Variants in IGSF21 observed in about 807,000 individuals in gnomAD.
The protein encoded by IGSF21 is immunoglobulin superfamily member 21.
In IGSF21, 28 loss-of-function variants were observed where a neutral mutation model predicts 46.8. That is an observed-to-expected ratio of 0.60 (90% CI 0.44 to 0.82). The LOEUF (loss-of-function observed/expected upper bound fraction) is 0.82, where lower values mean the gene tolerates loss of function less well. Among genes scored for constraint, IGSF21 ranks in the 40% least tolerant of loss-of-function variants. IGSF21 has a pLI of 0.00. For synonymous variants in IGSF21, 284 were observed against 273.6 expected (o/e 1.04, Z -0.38); for missense variants, 624 against 665.5 (o/e 0.94, Z 0.69).
intron 3 of IGSF21, among the ~76,000 whole-genome samples, chr1:18,312,796 G>C (rs1214104437): frequency 1.3e-5 from 2 of 152,202 alleles, no homozygotes; most frequent in Non-Finnish European, 2.9e-5. Flanking sequence ...ACATTGACAG[G>C]TTCCAGGGAT....
intron 3 of IGSF21, among the ~76,000 whole-genome samples, chr1:18,312,608 C>T (rs1185099041): frequency 2.6e-5 from 4 of 152,186 alleles, no homozygotes; most frequent in Non-Finnish European, 4.4e-5. Flanking sequence ...CCTCTTTCAG[C>T]AATGGCATCG....
intron 2 of IGSF21, among the ~76,000 whole-genome samples, chr1:18,236,872 T>G (rs1435789700): frequency 6.6e-6 from 1 of 152,186 alleles, no homozygotes; most frequent in Non-Finnish European, 1.5e-5. Flanking sequence ...TGGAGCCCAC[T>G]GGGGACCTGG....
intron 1 of IGSF21, among the ~76,000 whole-genome samples, chr1:18,160,264 C>T (rs1557563251): frequency 6.6e-6 from 1 of 152,166 alleles, no homozygotes; most frequent in East Asian, 1.9e-4. Context: ...GGGACTTAAC[C>T]AGCTTTGGGG....
chr1:18,287,186 A>AT (rs869208379), intron 2 of IGSF21, among the ~76,000 whole-genome samples: 3,028 of 13,286 alleles, frequency 0.23, 226 homozygotes, highest in African/African-American at 0.27. Context: ...GTCTCAAAAA[A>AT]AAAAAATAAA....
chr1:18,273,345 C>A lies in IGSF21; in HGVS notation c.184-18521C>A, dbSNP rs1299213753. Among the ~76,000 whole-genome samples, 44 of 64,244 alleles carry A rather than the reference C, an allele frequency of 6.8e-4. 4 individuals carry two copies. The highest frequency in any genetic ancestry group is 2.9e-3 in the African/African-American group (42 of 14,298). 42.1% of individuals were successfully genotyped at this position (64,244 alleles called of 152,430 possible). A position where few individuals can be genotyped will look rare whatever the true frequency, so the allele number is the denominator to read the frequency against. ...CATGAGCCACCATTCCTTTCCTTTC[C>A]TTTCCTTTCCTTTCCTTTCCTTTCC... is the stretch of plus-strand genomic sequence containing the variant. On this transcript the variant is annotated intron_variant, in intron 2 of 9. Transcript: ENST00000251296.
At chr1:18,240,692 A>G (rs949195652) in intron 2 of IGSF21, among the ~76,000 whole-genome samples, 1 of 152,152 alleles carries the variant, frequency 6.6e-6, no homozygotes. Flanking sequence ...GAGGTTAATA[A>G]CTTTCCCACA....
At chr1:18,282,484 G>C (rs1026468973) in intron 2 of IGSF21, among the ~76,000 whole-genome samples, 10 of 152,078 alleles carry the variant, frequency 6.6e-5, no homozygotes, top group Non-Finnish European at 1.3e-4. Flanking sequence ...AGGTCTCAGA[G>C]CTCCCATGCA....
At chr1:18,160,618 G>A (rs542764038) in intron 1 of IGSF21, among the ~76,000 whole-genome samples, 1 of 152,254 alleles carries the variant, frequency 6.6e-6, no homozygotes, top group Admixed American at 6.5e-5. Flanking sequence ...CAGGGTCTGG[G>A]GAAGGACCGG....
chr1:18,308,875 A>G (rs956536481), intron 3 of IGSF21, among the ~76,000 whole-genome samples: 21 of 152,286 alleles, frequency 1.4e-4, no homozygotes, highest in South Asian at 6.2e-4. Flanking sequence ...CAAGGCGGGC[A>G]TCAGGCTAGA....
intron 3 of IGSF21, among the ~76,000 whole-genome samples, chr1:18,298,969 T>TA (rs2085336683): frequency 6.6e-6 from 1 of 152,102 alleles, no homozygotes; most frequent in Non-Finnish European, 1.5e-5. Context: ...AAAGGGGAGA[T>TA]AAAACACGAG....
At chr1:18,127,339 T>C (rs193182583) in intron 1 of IGSF21, among the ~76,000 whole-genome samples, 139 of 152,190 alleles carry the variant, frequency 9.1e-4, no homozygotes, top group African/African-American at 2.9e-3. Flanking sequence ...CAGAGCAGCT[T>C]CTCTAGATTG....
intron 8 of IGSF21, 24 bp from the exon 9 acceptor site, chr1:18,377,369 T>C (rs1321807707): frequency 1.2e-6 from 2 of 1,610,366 alleles, no homozygotes; most frequent in Non-Finnish European, 8.5e-7. Context: ...ACCCTTTGGT[T>C]CTCTTTCTGT....
chr1:18,337,096 A>T lies in IGSF21; in HGVS notation c.424+2086A>T, dbSNP rs1178735542. 6.6e-6 allele frequency among the ~76,000 whole-genome samples: 1 copy of T among 152,176 alleles called. No individual in the cohort carries two copies. Among genetic ancestry groups the T allele is most frequent in the Non-Finnish European group, 1.5e-5 (1 of 68,022 alleles). On this transcript the variant is annotated intron_variant, in intron 4 of 9. Coordinates refer to ENST00000251296, the MANE Select transcript of IGSF21 (RefSeq NM_032880.5). The surrounding 1 kb of genome is among the most constrained non-coding windows in gnomAD (Gnocchi z 5.7). ...AGTTGGGACACAGCCAAACCATATC[A>T]TGTATCATCAGAGGGTTGACCAGAC...
intron 4 of IGSF21, among the ~76,000 whole-genome samples, chr1:18,339,427 T>C (rs2085805434): frequency 6.6e-6 from 1 of 152,118 alleles, no homozygotes; most frequent in African/African-American, 2.4e-5. Flanking sequence ...GAGCCCTAAC[T>C]AGGTGGCTCA....
chr1:18,239,877 G>A (rs942172762), intron 2 of IGSF21, among the ~76,000 whole-genome samples: 2 of 152,028 alleles, frequency 1.3e-5, no homozygotes, highest in South Asian at 2.1e-4. Flanking sequence ...TACTAAGCAC[G>A]TGACCATATG....
At chr1:18,245,189 A>G (rs929660795) in intron 2 of IGSF21, among the ~76,000 whole-genome samples, 1 of 152,182 alleles carries the variant, frequency 6.6e-6, no homozygotes, top group Non-Finnish European at 1.5e-5. Flanking sequence ...CTGGCTTCTG[A>G]TAAATATTCT....
Position 18,186,643 on chromosome 1 carries a change from C to CTGA in IGSF21, c.71-41253_71-41251dup, listed in dbSNP as rs1348305935. Among the ~76,000 whole-genome samples, 3 of 152,342 alleles carry CTGA rather than the reference C, an allele frequency of 2.0e-5. No individual in the cohort carries two copies. In the East Asian group the frequency reaches 5.8e-4, roughly 29 times the overall value. ...TGCAGAGTATTTAAAAAACACTCAT[C>CTGA]TGATCGTCCCCCAATTCTTTGTTGG... On this transcript the variant is annotated intron_variant, in intron 1 of 9. Coordinates refer to ENST00000251296, the MANE Select transcript of IGSF21 (RefSeq NM_032880.5).
chr1:18,144,671 C>G (rs759353371), intron 1 of IGSF21, among the ~76,000 whole-genome samples: 1 of 151,984 alleles, frequency 6.6e-6, no homozygotes, highest in Admixed American at 6.5e-5. Context: ...AAAAGCTGCC[C>G]AGGACCCTTC....
intron 1 of IGSF21, among the ~76,000 whole-genome samples, chr1:18,132,391 G>C (rs2086329683): frequency 6.6e-6 from 1 of 152,216 alleles, no homozygotes; most frequent in Admixed American, 6.5e-5. Flanking sequence ...TCCCATCACT[G>C]AGCATGGTGC....
Sources: gnomAD v4.1 joint callset for allele counts (sites outside exome capture counted in the v4.1 genomes callset) on GRCh38, gnomAD v4.1.1 for gene constraint, Gnocchi (gnomAD v3.1) non-coding constraint, MANE v1.5 for transcripts, NCBI Gene and HGNC (gene_info 2026-07-23, HGNC 2026-07-21) for gene names.